The following PLXNA2 variants were observed in gnomAD, a reference collection of about 807,000 sequenced individuals.
PLXNA2 encodes plexin-A2.
In PLXNA2, 91 loss-of-function variants were observed where a neutral mutation model predicts 193.5. The observed-to-expected ratio is 0.47, with a 90% CI of 0.40 to 0.56. PLXNA2 has a LOEUF of 0.56. Ranked by LOEUF, PLXNA2 falls within the 20% of genes least tolerant of loss-of-function variation. The pLI is 0.00. For synonymous variants in PLXNA2, 997 were observed against 1,027.3 expected (o/e 0.97, Z 0.56); for missense variants, 1,995 against 2,503.2 (o/e 0.80, Z 4.33).
intron 3 of PLXNA2, among the ~76,000 whole-genome samples, chr1:208,164,349 C>G (rs1231162251): frequency 6.6e-6 from 1 of 152,208 alleles, no homozygotes; most frequent in East Asian, 1.9e-4. Context: ...CCCCTACTCC[C>G]TGAACCCTGT....
intron 4 of PLXNA2, among the ~76,000 whole-genome samples, chr1:208,138,637 G>A (rs1571958191): frequency 1.3e-5 from 2 of 152,186 alleles, no homozygotes; most frequent in East Asian, 3.9e-4. Context: ...GTAATCCCAG[G>A]ACTTTGGGAG....
Position 208,215,873 on chromosome 1 carries a change from G to A in PLXNA2, c.1188+862C>T, listed in dbSNP as rs79106580. 3.9e-5 allele frequency among the ~76,000 whole-genome samples: 6 copies of A among 152,282 alleles called. No individual in the cohort carries two copies. In the East Asian group the frequency reaches 1.2e-3, roughly 29 times the overall value. On this transcript the variant is annotated intron_variant, in intron 2 of 31. Transcript: ENST00000367033. ...GGCAGTGCTTGCCACTGATTTTCTT[G>A]TCTCTGCTTTCCTCAGGTCTGGATT... is the stretch of plus-strand genomic sequence containing the variant.
chr1:208,224,880 C>T (rs1395624317), intron 1 of PLXNA2, among the ~76,000 whole-genome samples: 1 of 152,158 alleles, frequency 6.6e-6, no homozygotes, highest in African/African-American at 2.4e-5. Flanking sequence ...GGATCTCCTG[C>T]TTATCTTCAT....
intron 15 of PLXNA2, 54 bp downstream of exon 15, chr1:208,052,273 A>C: frequency 6.4e-7 from 1 of 1,572,166 alleles, no homozygotes; most frequent in Non-Finnish European, 8.7e-7. Context: ...TAACATGTGA[A>C]CAGCACATGT....
intron 3 of PLXNA2, among the ~76,000 whole-genome samples, chr1:208,190,834 G>A (rs1670156198): frequency 6.6e-6 from 1 of 152,234 alleles, no homozygotes; most frequent in Non-Finnish European, 1.5e-5. Context: ...GAATGAGTGA[G>A]TAAATAATTG....
intron 3 of PLXNA2, among the ~76,000 whole-genome samples, chr1:208,159,602 G>C (rs957702982): frequency 1.1e-4 from 16 of 152,240 alleles, no homozygotes; most frequent in African/African-American, 3.6e-4. Context: ...ACAGCCAAGG[G>C]CTGGTCAACT....
At position 208,134,542 on chromosome 1, in the gene PLXNA2, G is replaced by A. The variant is rs138523552; in HGVS notation, c.1506+7787C>T. Among the ~76,000 whole-genome samples the A allele has an allele frequency of 2.0e-3, 301 of 152,262 alleles. 2 individuals carry two copies. Among genetic ancestry groups the A allele is most frequent in the African/African-American group, 5.5e-3 (227 of 41,544 alleles). On this transcript the variant is annotated intron_variant, in intron 4 of 31. Transcript: ENST00000367033. ...CACATTTTAAAACAAAAGTGCAGCAGCAATTCGCTTATCCTCACTTTCCTA... is the reference window on the plus strand; with the variant it reads ...CACATTTTAAAACAAAAGTGCAGCAACAATTCGCTTATCCTCACTTTCCTA...
Position 208,042,333 on chromosome 1 carries a change from C to T in PLXNA2, c.4051G>A (p.Ala1351Thr). ...ATGAGCTGGGCAAAGAGCTTCAGGG[C>T]CTTCTCCACGTGCTGCTGCCCGTTT... ...QGNGQQHVEK[A>T]LKLFAQLINN... The change falls in exon 22 of 32, where the codon GCC becomes ACC. Residue 1351 changes from alanine (A) to threonine (T), a missense_variant. Ala to Thr is a moderately conservative substitution (Grantham distance 58). Transcript: ENST00000367033. 5 of 1,614,116 alleles carry T rather than the reference C, an allele frequency of 3.1e-6. No individual in the cohort carries two copies. Among genetic ancestry groups the T allele is most frequent in the Non-Finnish European group, 4.2e-6 (5 of 1,179,992 alleles).
At chr1:208,143,984 G>C (rs948403836) in intron 3 of PLXNA2, among the ~76,000 whole-genome samples, 2 of 152,202 alleles carry the variant, frequency 1.3e-5, no homozygotes, top group African/African-American at 2.4e-5. Context: ...TTGAAAGAGC[G>C]TGAACTGTGC....
chr1:208,043,050 G>A lies in PLXNA2; in HGVS notation c.4017+11C>T. 6.2e-7 allele frequency: 1 copy of A among 1,612,820 alleles called. No individual in the cohort carries two copies. Among genetic ancestry groups the A allele is most frequent in the Non-Finnish European group, 8.5e-7 (1 of 1,179,830 alleles). On this transcript the variant is annotated intron_variant, in intron 21 of 31. Coordinates refer to ENST00000367033, the MANE Select transcript of PLXNA2 (RefSeq NM_025179.4). ...CCTGCTGGGTGGCTGGGCCCAGGAG[G>A]CAGGCATTACCTCCAGCTCCCGCAG... is the stretch of plus-strand genomic sequence containing the variant.
chr1:208,092,230 CGACTGTATAATAAAACAG>C (rs1558187479), intron 9 of PLXNA2, among the ~76,000 whole-genome samples: 1 of 152,238 alleles, frequency 6.6e-6, no homozygotes, highest in African/African-American at 2.4e-5. Flanking sequence ...GATGGAGTTT[CGACTGTATAATAAAACAG>C]GACTTTTAGC....
chr1:208,048,872 C>CA (rs1553273649), intron 17 of PLXNA2, among the ~76,000 whole-genome samples: 2 of 152,166 alleles, frequency 1.3e-5, no homozygotes, highest in Non-Finnish European at 2.9e-5. Flanking sequence ...CCTCCCAGGG[C>CA]AAAATCCTAG....
At chr1:208,074,998 G>C (rs1313519707) in intron 12 of PLXNA2, among the ~76,000 whole-genome samples, 1 of 152,218 alleles carries the variant, frequency 6.6e-6, no homozygotes, top group African/African-American at 2.4e-5. Flanking sequence ...AAAGGGATTA[G>C]CCAAGAAAGC....
chr1:208,084,629 C>T lies in PLXNA2; in HGVS notation c.2098-49G>A, dbSNP rs375086288. On this transcript the variant is annotated intron_variant, in intron 9 of 31. Coordinates refer to ENST00000367033, the MANE Select transcript of PLXNA2 (RefSeq NM_025179.4). ...CCATCTGTCCCCTGTTCATGCTGTC[C>T]TATGTGCCTGGGACAGGCAGGCCCC... 4.3e-5 allele frequency: 68 copies of T among 1,573,326 alleles called. No individual in the cohort carries two copies. The African/African-American group carries it at 8.2e-4, about 19-fold the overall frequency.
At chr1:208,187,061 G>C (rs999363294) in intron 3 of PLXNA2, among the ~76,000 whole-genome samples, 6 of 152,168 alleles carry the variant, frequency 3.9e-5, no homozygotes, top group African/African-American at 1.4e-4. Context: ...GTAGGAAGGT[G>C]GGGGAGGGAC....
chr1:208,108,978 C>T (rs540661017), intron 4 of PLXNA2, among the ~76,000 whole-genome samples: 7 of 152,296 alleles, frequency 4.6e-5, no homozygotes, highest in African/African-American at 1.4e-4. Flanking sequence ...GGCTGGTGGG[C>T]CCCTCCAAGA....
At chr1:208,195,953 G>A (rs1257615105) in intron 3 of PLXNA2, among the ~76,000 whole-genome samples, 1 of 144,602 alleles carries the variant, frequency 6.9e-6, no homozygotes, top group East Asian at 2.0e-4. Flanking sequence ...GGGAAAGACT[G>A]AAGGTACAAG....
At chr1:208,148,920 G>T (rs958998203) in intron 3 of PLXNA2, among the ~76,000 whole-genome samples, 16 of 152,204 alleles carry the variant, frequency 1.1e-4, no homozygotes, top group African/African-American at 3.6e-4. Context: ...AGCTGTTCTT[G>T]TTATGCCTGA....
At chr1:208,067,713 T>C (rs1380088900) in intron 12 of PLXNA2, among the ~76,000 whole-genome samples, 2 of 152,154 alleles carry the variant, frequency 1.3e-5, no homozygotes, top group Non-Finnish European at 2.9e-5. Flanking sequence ...TGTAGTAGGG[T>C]ACACTGTCTA....
Sources: gnomAD v4.1 joint callset for allele counts (sites outside exome capture counted in the v4.1 genomes callset) on GRCh38, gnomAD v4.1.1 for gene constraint, MANE v1.5 for transcripts, NCBI Gene and HGNC (gene_info 2026-07-23, HGNC 2026-07-21) for gene names.